Variants in GPATCH1 observed in about 807,000 individuals in gnomAD.
GPATCH1 encodes G patch domain-containing protein 1.
Under a neutral mutation model 114.9 loss-of-function variants are expected in GPATCH1, and 73 were observed. The ratio of observed to expected loss-of-function variants is 0.64; its 90% CI spans 0.53 to 0.77. The LOEUF (loss-of-function observed/expected upper bound fraction) is 0.77, where lower values mean the gene tolerates loss of function less well. Ranked by LOEUF, GPATCH1 falls within the 30% of genes least tolerant of loss-of-function variation. The pLI, the probability that GPATCH1 is intolerant of heterozygous loss-of-function variation, is 0.00. For synonymous variants in GPATCH1, 391 were observed against 428.4 expected, an observed-to-expected ratio of 0.91 and a Z score of 1.08; for missense variants, 1,058 against 1,144.3, an observed-to-expected ratio of 0.92 and a Z score of 1.09.
intron 3 of GPATCH1, among the ~76,000 whole-genome samples, chr19:33,092,384 A>G (rs968341253): frequency 8.5e-5 from 13 of 152,148 alleles, no homozygotes; most frequent in African/African-American, 3.1e-4. Context: ...AGCCTTTCAT[A>G]TGAGTCCTAC....
intron 17 of GPATCH1, among the ~76,000 whole-genome samples, chr19:33,122,312 C>T (rs1464276653): frequency 7.1e-6 from 1 of 141,244 alleles, no homozygotes; most frequent in Non-Finnish European, 1.5e-5. Context: ...CCTGGTTGTT[C>T]GGCCCTTTAG....
intron 10 of GPATCH1, among the ~76,000 whole-genome samples, chr19:33,108,883 C>T (rs1292604230): frequency 6.6e-6 from 1 of 152,180 alleles, no homozygotes; most frequent in Non-Finnish European, 1.5e-5. Context: ...CTCACGTGCC[C>T]TGTAAGTGTG....
chr19:33,111,465 C>T (rs972849390), intron 11 of GPATCH1, among the ~76,000 whole-genome samples: 1 of 151,490 alleles, frequency 6.6e-6, no homozygotes, highest in Non-Finnish European at 1.5e-5. Context: ...CCTCAAGTGA[C>T]CCACCCGCCT....
At chr19:33,092,960 G>A (rs537848129) in intron 3 of GPATCH1, among the ~76,000 whole-genome samples, 37 of 151,714 alleles carry the variant, frequency 2.4e-4, no homozygotes, top group Admixed American at 7.9e-4. Flanking sequence ...AGGCTGAGGC[G>A]GGTGGATCAC....
intron 8 of GPATCH1, among the ~76,000 whole-genome samples, chr19:33,101,166 T>A (rs923765402): frequency 6.6e-6 from 1 of 152,224 alleles, no homozygotes; most frequent in African/African-American, 2.4e-5. Flanking sequence ...TTTTTCTTGA[T>A]CTTTTACTCC....
At chr19:33,089,284 G>A (rs975610727) in intron 2 of GPATCH1, among the ~76,000 whole-genome samples, 4 of 152,158 alleles carry the variant, frequency 2.6e-5, no homozygotes, top group African/African-American at 9.7e-5. Context: ...GAGCCAGCAT[G>A]GCGTTAGTGC....
chr19:33,099,442 C>G (rs993173987), intron 8 of GPATCH1, among the ~76,000 whole-genome samples: 4 of 152,036 alleles, frequency 2.6e-5, no homozygotes, highest in African/African-American at 7.2e-5. Context: ...CACTGAGCTC[C>G]GAGCCTGTCC....
intron 1 of GPATCH1, among the ~76,000 whole-genome samples, chr19:33,085,986 C>G (rs569998847): frequency 3.3e-5 from 5 of 152,332 alleles, no homozygotes; most frequent in African/African-American, 1.2e-4. Context: ...AGCACCTGTT[C>G]CCTCTTACCG....
intron 10 of GPATCH1, 31 bp downstream of exon 10, chr19:33,106,930 T>A (rs1474150732): frequency 6.5e-7 from 1 of 1,528,368 alleles, no homozygotes; most frequent in Middle Eastern, 1.7e-4. Flanking sequence ...GGAAATCATT[T>A]CACATAATTC....
At chr19:33,096,148 T>C in intron 6 of GPATCH1, 59 bp from the exon 7 acceptor site, 4 of 1,559,938 alleles carry the variant, frequency 2.6e-6, no homozygotes, top group Non-Finnish European at 3.5e-6. Flanking sequence ...ATTAGTATTT[T>C]GTGGGTTTAC....
intron 19 of GPATCH1, 124 bp downstream of exon 19, chr19:33,126,857 CTA>C: frequency 1.2e-6 from 1 of 801,354 alleles, no homozygotes; most frequent in Non-Finnish European, 2.0e-6. Context: ...TGGCTCACGC[CTA>C]TAATCCCAGC....
At chr19:33,086,969 CA>C (rs369095996) in intron 1 of GPATCH1, among the ~76,000 whole-genome samples, 151 of 140,480 alleles carry the variant, frequency 1.1e-3, no homozygotes, top group Middle Eastern at 3.5e-3. Flanking sequence ...GACTGCATCT[CA>C]AAAAAAAAAA....
intron 1 of GPATCH1, among the ~76,000 whole-genome samples, chr19:33,084,655 T>TG (rs985673990): frequency 8.9e-5 from 13 of 146,024 alleles, no homozygotes; most frequent in African/African-American, 3.4e-4. Context: ...ACCTTGCCCT[T>TG]TTTTTTTTTT....
Position 33,113,835 on chromosome 19 carries a change from C to T in GPATCH1, c.1961C>T (p.Pro654Leu). Residue 654 changes from proline (P) to leucine (L), a missense_variant, in exon 14 of 20, where the codon CCA becomes CTA. Pro to Leu is a moderately conservative substitution (Grantham distance 98). Around this residue, in one of 3 missense-constraint regions of GPATCH1, gnomAD observed 893 missense variants for 977.4 expected, o/e 0.91. Coordinates refer to ENST00000170564, the MANE Select transcript of GPATCH1 (RefSeq NM_018025.3). ...TCAGTCTTCAACTTTCTGACGCTCC[C>T]AGAGACAGCTTCCTTGCCCACCACT... ...KYSVFNFLTL[P>L]ETASLPTTQA... The T allele has an allele frequency of 6.2e-7, 1 of 1,613,906 alleles. No homozygotes were observed.
In GPATCH1 at chr19:33,106,703, A is replaced by G; in HGVS notation, c.1089A>G (p.Pro363=). The G allele has an allele frequency of 6.2e-7, 1 of 1,612,836 alleles. No individual in the cohort carries two copies. The highest frequency in any genetic ancestry group is 8.5e-7 in the Non-Finnish European group (1 of 1,179,336). The change falls in exon 10 of 20, where the codon CCA becomes CCG. Residue 363 remains proline, a synonymous_variant. Coordinates refer to ENST00000170564, the MANE Select transcript of GPATCH1 (RefSeq NM_018025.3). ...SKPLSSKKIY[P]PPELPRDYRP... is the part of the protein sequence containing the mutation. ...TGTCTTGGTTTGTTAAGATCTATCCACCTCCAGAGCTGCCAAGAGACTATC... is the reference window on the plus strand; with the variant it reads ...TGTCTTGGTTTGTTAAGATCTATCCGCCTCCAGAGCTGCCAAGAGACTATC...
At chr19:33,125,354 AT>A (rs2145342046) in intron 18 of GPATCH1, 152 bp downstream of exon 18, 1 of 874,242 alleles carries the variant, frequency 1.1e-6, no homozygotes, top group East Asian at 2.7e-5. Flanking sequence ...TTCAATTCAA[AT>A]GCTTGATTTT....
chr19:33,095,960 A>T, intron 6 of GPATCH1, 140 bp downstream of exon 6: 1 of 767,276 alleles, frequency 1.3e-6, no homozygotes, highest in Non-Finnish European at 2.3e-6. Context: ...AGCTATCCTC[A>T]TTATATCAGC....
Position 33,109,612 on chromosome 19 carries a change from T to C in GPATCH1, c.1286-105T>C, listed in dbSNP as rs1479867540. ...TGAAACACTAAACATAAAATCCTCA[T>C]CCCCAATTATGTAAATTTGTGTTAT... On this transcript the variant is annotated intron_variant, in intron 10 of 19. Coordinates refer to ENST00000170564, the MANE Select transcript of GPATCH1 (RefSeq NM_018025.3). The C allele has an allele frequency of 4.6e-6, 3 of 652,996 alleles. No individual in the cohort carries two copies. The African/African-American group carries it at 5.5e-5, about 12-fold the overall frequency. 40.5% of individuals were successfully genotyped at this position (652,996 alleles called of 1,614,324 possible).
At chr19:33,084,061 C>A (rs10414826) in intron 1 of GPATCH1, among the ~76,000 whole-genome samples, 4 of 151,748 alleles carry the variant, frequency 2.6e-5, no homozygotes, top group Non-Finnish European at 5.9e-5. Context: ...CTGCCTGCCT[C>A]GGCCTCCCAA....
Sources: allele counts gnomAD v4.1 joint callset (sites outside exome capture counted in the v4.1 genomes callset), GRCh38; gene constraint gnomAD v4.1.1; regional missense constraint gnomAD v4.1.1; transcripts MANE v1.5; gene names NCBI Gene and HGNC (gene_info 2026-07-23, HGNC 2026-07-21).